The following GPAA1 variants were observed in gnomAD, a reference collection of about 807,000 sequenced individuals.
The protein encoded by GPAA1 is GPI-anchor transamidase component GPAA1.
A neutral mutation model predicts 64.0 loss-of-function variants in GPAA1; 54 were observed. That is an observed-to-expected ratio of 0.84 (90% CI 0.68 to 1.06). GPAA1 has a LOEUF of 1.06. Ranked by LOEUF, GPAA1 falls within the 50% of genes least tolerant of loss-of-function variation. The pLI, the probability that GPAA1 is intolerant of heterozygous loss-of-function variation, is 0.00. For missense variants in GPAA1, 780 were observed against 822.3 expected, an observed-to-expected ratio of 0.95 and a Z score of 0.63; for synonymous variants, 393 against 377.3, an observed-to-expected ratio of 1.04 and a Z score of -0.48.
rs1554763970 is a variant in GPAA1, at chr8:144,084,124, G to A, written c.617-10G>A. The A allele has an allele frequency of 4.3e-6, 7 of 1,613,246 alleles. No individual in the cohort carries two copies. In the East Asian group the frequency reaches 6.7e-5, roughly 15 times the overall value. ...GTCCTCCATTAGCACTCATTCACTTGCTCCTACAGGCATGCAGTCGTCTCC... is the reference window on the plus strand; with the variant it reads ...GTCCTCCATTAGCACTCATTCACTTACTCCTACAGGCATGCAGTCGTCTCC... On this transcript the variant is annotated splice_polypyrimidine_tract_variant and intron_variant, in intron 5 of 11. Coordinates refer to ENST00000355091, the MANE Select transcript of GPAA1 (RefSeq NM_003801.4).
chr8:144,082,705 C>A lies in GPAA1; in HGVS notation c.-26C>A. ...GCGGTAGTTGGAGGCGGGAGAGGGT[C>A]CGTAGCCGCGCCGCCCTGCCCCGCC... On this transcript the variant is annotated 5_prime_UTR_variant, in exon 1 of 12. Coordinates refer to ENST00000355091, the MANE Select transcript of GPAA1 (RefSeq NM_003801.4). 1 of 1,405,904 alleles carries A rather than the reference C, an allele frequency of 7.1e-7. No homozygotes were observed. 87.1% of individuals were successfully genotyped at this position (1,405,904 alleles called of 1,614,324 possible). A position where few individuals can be genotyped will look rare whatever the true frequency, so the allele number is the denominator to read the frequency against.
chr8:144,082,842 C>T, intron 1 of GPAA1, 38 bp downstream of exon 1: 1 of 1,342,508 alleles, frequency 7.4e-7, no homozygotes, highest in Non-Finnish European at 9.6e-7. Context: ...ACCCGAGGGC[C>T]CTGGGCTCGC....
intron 3 of GPAA1, 52 bp from the exon 4 acceptor site, chr8:144,083,662 G>T: frequency 1.3e-6 from 2 of 1,556,226 alleles, no homozygotes; most frequent in Non-Finnish European, 1.7e-6. Flanking sequence ...GGGCCCTTCA[G>T]CCCCCTACCA....
At position 144,085,625 on chromosome 8, in the gene GPAA1, G is replaced by C; in HGVS notation, c.1504G>C (p.Ala502Pro). 1 of 1,613,844 alleles carries C rather than the reference G, an allele frequency of 6.2e-7. No homozygotes were observed. Among genetic ancestry groups the C allele is most frequent in the Non-Finnish European group, 8.5e-7 (1 of 1,179,958 alleles). ...GGGCTGGATGGCACTGAAGCTGGTA[G>C]CCCTGATCTACCTAGCACTGCAGCT... ...DRGWMALKLV[A>P]LIYLALQLGC... Residue 502 changes from alanine (A) to proline (P), a missense_variant, in exon 11 of 12, where the codon GCC becomes CCC. Coordinates refer to ENST00000355091, the MANE Select transcript of GPAA1 (RefSeq NM_003801.4).
chr8:144,083,494 G>A lies in GPAA1; in HGVS notation c.360G>A (p.Glu120=), dbSNP rs782090346. Residue 120 remains glutamate (E), a synonymous_variant, in exon 3 of 12, where the codon GAG becomes GAA. Coordinates refer to ENST00000355091, the MANE Select transcript of GPAA1 (RefSeq NM_003801.4). Reference sequence around the variant, plus strand: ...TGCCCTTCCCAGATGAGACCCACGAGCGCTATGTACTGGGGGAGTGGGGTG... The same window carrying A: ...TGCCCTTCCCAGATGAGACCCACGAACGCTATGTACTGGGGGAGTGGGGTG... ...RKLPFPDETH[E]RYMVSGTNVY... 1.9e-6 allele frequency: 3 copies of A among 1,610,130 alleles called. No individual in the cohort carries two copies. The highest frequency in any genetic ancestry group is 2.7e-5 in the African/African-American group (2 of 74,886).
Position 144,085,915 on chromosome 8 carries a change from C to T in GPAA1, c.1656C>T (p.Ser552=), listed in dbSNP as rs782522653. ...TLYAALLVLT[S]PAATLLGSLF... ...ATGCTGCCCTGCTGGTGCTGACCAG[C>T]CCGGCAGCCACGCTCCTTGGCAGCC... Residue 552 remains serine, a synonymous_variant, in exon 12 of 12, where the codon AGC becomes AGT. Coordinates refer to ENST00000355091, the MANE Select transcript of GPAA1 (RefSeq NM_003801.4). 2.5e-6 allele frequency: 4 copies of T among 1,609,582 alleles called. No individual in the cohort carries two copies. The highest frequency in any genetic ancestry group is 3.4e-6 in the Non-Finnish European group (4 of 1,179,076).
In GPAA1 at chr8:144,083,160, G is replaced by A. The variant is rs138412600; in HGVS notation, c.111G>A (p.Leu37=). 0.015 allele frequency: 24,140 copies of A among 1,612,620 alleles called. 261 individuals are homozygous for A. The highest frequency in any genetic ancestry group is 0.018 in the Non-Finnish European group (21,369 of 1,179,818). The change falls in exon 2 of 12, where the codon TTG becomes TTA. Residue 37 remains leucine, a synonymous_variant. Transcript: ENST00000355091. ...LSYVAGIAWF[L]ALVFPPLTQR... Reference sequence around the variant, plus strand: ...ACGTGGCGGGCATCGCCTGGTTCTTGGCGCTGGTTTTCCCGCCGCTGACCC... The same window carrying A: ...ACGTGGCGGGCATCGCCTGGTTCTTAGCGCTGGTTTTCCCGCCGCTGACCC...
At chr8:144,085,781 G>C in intron 11 of GPAA1, 38 bp downstream of exon 11, 2 of 1,607,606 alleles carry the variant, frequency 1.2e-6, no homozygotes, top group Non-Finnish European at 1.7e-6. Context: ...CAATGCCTGT[G>C]CCCTCATCAC....
rs782367983 is a variant in GPAA1 at position 144,084,189 on chromosome 8, C to T, written c.672C>T (p.Ala224=). ...GRAGAIQAAV[A]LELSSDVVTS... ...CTGGGGCCATTCAGGCAGCCGTGGC[C>T]CTGGAGCTGAGCAGTGATGTGGTCA... The change falls in exon 6 of 12, where the codon GCC becomes GCT. Residue 224 remains alanine, a synonymous_variant. Coordinates refer to ENST00000355091, the MANE Select transcript of GPAA1 (RefSeq NM_003801.4). 1 of 1,613,620 alleles carries T rather than the reference C, an allele frequency of 6.2e-7. No homozygotes were observed. The highest frequency in any genetic ancestry group is 2.2e-5 in the East Asian group (1 of 44,876).
At chr8:144,083,065 C>A in intron 1 of GPAA1, 59 bp from the exon 2 acceptor site, 1 of 1,499,692 alleles carries the variant, frequency 6.7e-7, no homozygotes, top group Non-Finnish European at 9.1e-7. Context: ...AGGTTGTGGC[C>A]TCGGGTCGGC....
chr8:144,084,350 T>G lies in GPAA1; in HGVS notation c.813+20T>G, dbSNP rs782088536. ...GGCAAGGTGGGGCTGCCTGCCTGCC[T>G]GAGGGCTGAAGGGCACAGGGTCTGT... On this transcript the variant is annotated intron_variant, in intron 6 of 11. Transcript: ENST00000355091. The G allele has an allele frequency of 2.0e-5, 33 of 1,612,422 alleles. No homozygotes were observed. Among genetic ancestry groups the G allele is most frequent in the South Asian group, 2.0e-4 (18 of 91,068 alleles).
At chr8:144,084,958 G>A in intron 8 of GPAA1, 83 bp downstream of exon 8, 1 of 1,565,032 alleles carries the variant, frequency 6.4e-7, no homozygotes, top group Non-Finnish European at 8.8e-7. Context: ...CCATCCTGAT[G>A]GGGGGTGGGG....
At position 144,083,125 on chromosome 8, in the gene GPAA1, G is replaced by A. The variant is rs782090972; in HGVS notation, c.76G>A (p.Val26Met). The change falls in exon 2 of 12, where the codon GTG becomes ATG. Residue 26 changes from valine to methionine, a missense_variant and splice_region_variant. Transcript: ENST00000355091. ...GTGCCCCTCCGTCCTCTCTCACAGC[G>A]TGCTGAGCTACGTGGCGGGCATCGC... Reference protein sequence around the residue: ...LVLRLNAPLCVLSYVAGIAWF... With the variant: ...LVLRLNAPLCMLSYVAGIAWF... 9 of 1,611,538 alleles carry A rather than the reference G, an allele frequency of 5.6e-6. No individual in the cohort carries two copies. The South Asian group carries it at 9.9e-5, about 18-fold the overall frequency.
chr8:144,085,272 G>A lies in GPAA1; in HGVS notation c.1261-17G>A, dbSNP rs782546810. The A allele has an allele frequency of 1.9e-6, 3 of 1,583,342 alleles. No individual in the cohort carries two copies. Among genetic ancestry groups the A allele is most frequent in the South Asian group, 1.1e-5 (1 of 87,436 alleles). On this transcript the variant is annotated splice_polypyrimidine_tract_variant and intron_variant, in intron 9 of 11. Transcript: ENST00000355091. ...CTGGCCCCAGGGTCCATCTCCAAGA[G>A]CCTGTGTGCCCTGCAGGGTGTGGGG...
intron 8 of GPAA1, 43 bp downstream of exon 8, chr8:144,084,918 TCTC>T (rs1835972348): frequency 1.2e-6 from 2 of 1,605,162 alleles, no homozygotes; most frequent in South Asian, 1.1e-5. Context: ...CAGCCTCCAG[TCTC>T]CTCAACTCTA....
At position 144,084,618 on chromosome 8, in the gene GPAA1, T is replaced by C; in HGVS notation, c.1010+9T>C. Reference sequence around the variant, plus strand: ...CTGGTGGCAGTGGGCAAGTAAGTAGTCTCTGGTCCCCCCTTTCCATGCCCA... The same window carrying C: ...CTGGTGGCAGTGGGCAAGTAAGTAGCCTCTGGTCCCCCCTTTCCATGCCCA... On this transcript the variant is annotated intron_variant, in intron 7 of 11. Transcript: ENST00000355091. 6.2e-7 allele frequency: 1 copy of C among 1,608,882 alleles called. No individual in the cohort carries two copies. The highest frequency in any genetic ancestry group is 2.2e-5 in the East Asian group (1 of 44,714).
rs370775580 is a variant in GPAA1, at chr8:144,085,417, T to C, written c.1389T>C (p.Ala463=). The C allele has an allele frequency of 6.2e-7, 1 of 1,605,468 alleles. No individual in the cohort carries two copies. ...TQHFPVAEAE[A]VVLTLLAIYA... is the part of the protein sequence containing the mutation. ...ACTTCCCAGTGGCAGAGGCTGAGGC[T>C]GTGGTGCTGACACTGCTGGCGATTT... The change falls in exon 10 of 12, where the codon GCT becomes GCC. Residue 463 remains alanine (A), a synonymous_variant. Coordinates refer to ENST00000355091, the MANE Select transcript of GPAA1 (RefSeq NM_003801.4).
Position 144,084,323 on chromosome 8 carries a change from AG to A in GPAA1, c.809del (p.Gly270AlafsTer48). 1.2e-6 allele frequency: 2 copies of A among 1,613,356 alleles called. No homozygotes were observed. The highest frequency in any genetic ancestry group is 1.7e-6 in the Non-Finnish European group (2 of 1,179,730). On this transcript the variant is annotated frameshift_variant, in exon 6 of 12. Coordinates refer to ENST00000355091, the MANE Select transcript of GPAA1 (RefSeq NM_003801.4). LOFTEE classifies it high-confidence loss of function. ...AAAGGGGGCCTGTTGTGCACGCTTC[AG>A]GGCAAGGTGGGGCTGCCTGCCTGCC... is the stretch of plus-strand genomic sequence containing the variant. ...CQKGGLLCTL[Q>X]GKLQPEDWTS...
Position 144,084,020 on chromosome 8 carries a change from A to T in GPAA1, c.596A>T (p.Tyr199Phe). The change falls in exon 5 of 12, where the codon TAC becomes TTC. Residue 199 changes from tyrosine to phenylalanine, a missense_variant. Coordinates refer to ENST00000355091, the MANE Select transcript of GPAA1 (RefSeq NM_003801.4). ...GGCACTGAGGCTTGGCTTGAAGCCT[A>T]CCACGATGTCAATGTCACTGGTAGG... ...LLGTEAWLEA[Y>F]HDVNVTGMQS... 6.2e-7 allele frequency: 1 copy of T among 1,613,156 alleles called. No homozygotes were observed. The highest frequency in any genetic ancestry group is 8.5e-7 in the Non-Finnish European group (1 of 1,179,138).
Sources: gnomAD v4.1 joint callset for allele counts on GRCh38, gnomAD v4.1.1 for gene constraint, MANE v1.5 for transcripts, NCBI Gene and HGNC (gene_info 2026-07-23, HGNC 2026-07-21) for gene names.